Variants in NADSYN1 observed in about 807,000 individuals in gnomAD.
NADSYN1 encodes NAD synthetase 1.
Under a neutral mutation model 99.3 loss-of-function variants are expected in NADSYN1, and 80 were observed. The observed-to-expected ratio is 0.81, with a 90% CI of 0.67 to 0.97. The LOEUF is 0.97. NADSYN1 is among the 50% of genes least tolerant of loss of function. The pLI, the probability that NADSYN1 is intolerant of heterozygous loss-of-function variation, is 0.00. For missense variants in NADSYN1, 859 were observed against 948.5 expected, an observed-to-expected ratio of 0.91 and a Z score of 1.24; for synonymous variants, 385 against 372.1, an observed-to-expected ratio of 1.03 and a Z score of -0.40.
chr11:71,488,904 G>A (rs1025475824), intron 16 of NADSYN1, among the ~76,000 whole-genome samples: 3 of 152,172 alleles, frequency 2.0e-5, no homozygotes, highest in Non-Finnish European at 2.9e-5. Flanking sequence ...AGAGGGAGTG[G>A]ACTTGCTGGT....
rs1591128620 is a variant in NADSYN1, at chr11:71,476,245, C to T, written c.798+1719C>T. ...GGACCCGACGGCCTTCCACTCTGCTCTTGTTGGGAATGGGCATTAAAGCAG... is the reference window on the plus strand; with the variant it reads ...GGACCCGACGGCCTTCCACTCTGCTTTTGTTGGGAATGGGCATTAAAGCAG... On this transcript the variant is annotated intron_variant, in intron 9 of 20. Coordinates refer to ENST00000319023, the MANE Select transcript of NADSYN1 (RefSeq NM_018161.5). The T allele has an allele frequency of 7.8e-6, 3 of 382,192 alleles. No individual in the cohort carries two copies. In the Admixed American group the frequency reaches 9.3e-5, roughly 12 times the overall value. The allele number at this position is 382,192 out of a possible 1,614,324, so 23.7% of individuals were successfully genotyped here.
intron 9 of NADSYN1, 33 bp from the exon 10 acceptor site, chr11:71,478,362 A>G: frequency 6.5e-7 from 1 of 1,547,494 alleles, no homozygotes; most frequent in Non-Finnish European, 8.8e-7. Context: ...CAAACGGGAA[A>G]TCACGGGTTC....
chr11:71,457,043 T>C (rs888942928), intron 2 of NADSYN1, among the ~76,000 whole-genome samples: 6 of 152,246 alleles, frequency 3.9e-5, no homozygotes, highest in African/African-American at 1.4e-4. Context: ...ACCACCCAAA[T>C]GGCCCCAGGA....
intron 9 of NADSYN1, chr11:71,477,361 C>T: frequency 1.6e-6 from 2 of 1,289,700 alleles, no homozygotes; most frequent in Non-Finnish European, 2.0e-6. Context: ...GGCCAGGGTG[C>T]TGTCACTTTG....
rs905798357 is a variant in NADSYN1 at position 71,501,526 on chromosome 11, C to G, written c.*174C>G. On this transcript the variant is annotated 3_prime_UTR_variant, in exon 21 of 21. Coordinates refer to ENST00000319023, the MANE Select transcript of NADSYN1 (RefSeq NM_018161.5). ...CCTCAAAAAGAGGCTGGAATAAAGC[C>G]TGGGCTTAAAAAGAGGCTGGAATCC... 3.3e-6 allele frequency: 2 copies of G among 607,672 alleles called. No homozygotes were observed. The highest frequency in any genetic ancestry group is 5.6e-6 in the Non-Finnish European group (2 of 354,438). 37.6% of individuals were successfully genotyped at this position (607,672 alleles called of 1,614,324 possible).
chr11:71,493,279 T>A (rs1949796150), intron 18 of NADSYN1, among the ~76,000 whole-genome samples: 1 of 152,244 alleles, frequency 6.6e-6, no homozygotes, highest in Admixed American at 6.5e-5. Context: ...AATATTTTAT[T>A]GTTTTTGATA....
At chr11:71,468,871 C>A (rs976255602) in intron 5 of NADSYN1, among the ~76,000 whole-genome samples, 2 of 152,174 alleles carry the variant, frequency 1.3e-5, no homozygotes, top group African/African-American at 4.8e-5. Context: ...AAGAAAGATA[C>A]CATTTATGAC....
intron 18 of NADSYN1, among the ~76,000 whole-genome samples, chr11:71,495,426 C>A (rs12577807): frequency 0.083 from 12,676 of 152,264 alleles, 632 homozygotes; most frequent in African/African-American, 0.14. Context: ...AGGCTTCTCT[C>A]GTGGCTCAGC....
At chr11:71,493,122 G>T (rs972708137) in intron 18 of NADSYN1, among the ~76,000 whole-genome samples, 11 of 152,094 alleles carry the variant, frequency 7.2e-5, no homozygotes, top group Non-Finnish European at 1.3e-4. Flanking sequence ...TCGGACTCCT[G>T]GCCTCAAGTA....
rs1949702188 is a variant in NADSYN1, at chr11:71,480,876, T to C, written c.995T>C (p.Ile332Thr). 6.2e-7 allele frequency: 1 copy of C among 1,614,042 alleles called. No individual in the cohort carries two copies. Among genetic ancestry groups the C allele is most frequent in the Non-Finnish European group, 8.5e-7 (1 of 1,179,962 alleles). Residue 332 changes from isoleucine (I) to threonine (T), a missense_variant, in exon 11 of 21, where the codon ATA (isoleucine) becomes ACA (threonine). Physicochemically the swap from Ile to Thr is moderately conservative, Grantham distance 89 (BLOSUM62 -1). Coordinates refer to ENST00000319023, the MANE Select transcript of NADSYN1 (RefSeq NM_018161.5). ...AAATACCACAGCCCTGAGGAGGAGA[T>C]AAGGTGTGTGGCCCCTGACCCCTGG... ...EWKYHSPEEEISLGPACWLWD... is the reference protein window; with the variant it reads ...EWKYHSPEEETSLGPACWLWD...
intron 9 of NADSYN1, chr11:71,476,454 G>T: frequency 4.6e-6 from 1 of 219,240 alleles, no homozygotes; most frequent in Non-Finnish European, 9.1e-6. Flanking sequence ...GCATAGGTGT[G>T]GTCAGCACGG....
At chr11:71,489,644 G>A (rs997981784) in intron 16 of NADSYN1, among the ~76,000 whole-genome samples, 2 of 152,264 alleles carry the variant, frequency 1.3e-5, no homozygotes, top group Non-Finnish European at 1.5e-5. Flanking sequence ...AGGACAGGGA[G>A]CGATGGGGTG....
rs1454172130 is a variant in NADSYN1 at position 71,463,491 on chromosome 11, C to A, written c.317+6C>A. On this transcript the variant is annotated splice_donor_region_variant and intron_variant, in intron 4 of 20. Coordinates refer to ENST00000319023, the MANE Select transcript of NADSYN1 (RefSeq NM_018161.5). ...AGAGTGATATTCCTCAACAGGTAGGCCCCCTGCCCCCACCCCGGGAGGGTG... is the reference window on the plus strand; with the variant it reads ...AGAGTGATATTCCTCAACAGGTAGGACCCCTGCCCCCACCCCGGGAGGGTG... 1.2e-6 allele frequency: 2 copies of A among 1,612,796 alleles called. No homozygotes were observed. Among genetic ancestry groups the A allele is most frequent in the South Asian group, 1.1e-5 (1 of 91,004 alleles).
At chr11:71,462,160 A>G (rs1949555154) in intron 3 of NADSYN1, among the ~76,000 whole-genome samples, 1 of 152,114 alleles carries the variant, frequency 6.6e-6, no homozygotes, top group South Asian at 2.1e-4. Flanking sequence ...GTGGGGGGTG[A>G]TCGGGGGTCG....
intron 9 of NADSYN1, chr11:71,476,071 A>G: frequency 2.2e-6 from 1 of 456,290 alleles, no homozygotes; most frequent in South Asian, 1.5e-5. Flanking sequence ...CACAAATGGA[A>G]ACAAATCCCA....
chr11:71,474,439 G>A lies in NADSYN1; in HGVS notation c.711G>A (p.Gly237=), dbSNP rs776049564. Residue 237 remains glycine (G), a synonymous_variant, in exon 9 of 21, where the codon GGG becomes GGA. Coordinates refer to ENST00000319023, the MANE Select transcript of NADSYN1 (RefSeq NM_018161.5). ...YLLANQKGCD[G]DRLYYDGCAM... ...TGGCCAACCAGAAGGGTTGTGACGG[G>A]GACCGCCTGTACTACGACGGCTGTG... The A allele has an allele frequency of 1.2e-6, 2 of 1,614,190 alleles. No individual in the cohort carries two copies. The highest frequency in any genetic ancestry group is 2.2e-5 in the East Asian group (1 of 44,876).
chr11:71,462,987 G>A (rs1418717513), intron 3 of NADSYN1, among the ~76,000 whole-genome samples: 13 of 152,162 alleles, frequency 8.5e-5, no homozygotes, highest in African/African-American at 2.2e-4. Context: ...ACCCAGTCCC[G>A]AGAAAGGGCC....
intron 6 of NADSYN1, among the ~76,000 whole-genome samples, 194 bp downstream of exon 6, chr11:71,472,694 C>T (rs1431947059): frequency 6.6e-6 from 1 of 152,176 alleles, no homozygotes; most frequent in African/African-American, 2.4e-5. Flanking sequence ...GCCAGGGTGG[C>T]TCCTCCTTGC....
chr11:71,481,029 G>T, intron 11 of NADSYN1, 150 bp downstream of exon 11: 2 of 1,076,784 alleles, frequency 1.9e-6, no homozygotes, highest in Admixed American at 2.6e-5. Context: ...GGTTGAGGGC[G>T]TGGATGCTAG....
Sources: gnomAD v4.1 joint callset for allele counts (sites outside exome capture counted in the v4.1 genomes callset) on GRCh38, gnomAD v4.1.1 for gene constraint, MANE v1.5 for transcripts, NCBI Gene and HGNC (gene_info 2026-07-23, HGNC 2026-07-21) for gene names.